The following OXT variants were observed in gnomAD, a reference collection of about 807,000 sequenced individuals.
The protein encoded by OXT is oxytocin/neurophysin I prepropeptide.
Under a neutral mutation model 11.2 loss-of-function variants are expected in OXT, and 9 were observed. The ratio of observed to expected loss-of-function variants is 0.80; its 90% confidence interval spans 0.49 to 1.40. The LOEUF is 1.40. Ranked by LOEUF, OXT falls within the 40% of genes most tolerant of loss-of-function variation. OXT has a pLI of 0.00. For synonymous variants in OXT, 76 were observed against 80.9 expected (o/e 0.94, Z 0.33); for missense variants, 175 against 178.7 (o/e 0.98, Z 0.12).
In OXT at chr20:3,072,197, C is replaced by G. The variant is rs544124796; in HGVS notation, c.241C>G (p.Leu81Val). 6.3e-7 allele frequency: 1 copy of G among 1,596,422 alleles called. No individual in the cohort carries two copies. Among genetic ancestry groups the G allele is most frequent in the South Asian group, 1.1e-5 (1 of 90,316 alleles). Residue 81 changes from leucine to valine, a missense_variant, in exon 2 of 3, where the codon CTG (leucine) becomes GTG (valine). Leu to Val is a conservative substitution (Grantham distance 32). Coordinates refer to ENST00000217386, the MANE Select transcript of OXT (RefSeq NM_000915.4). ...GCTGCGCTGCCAGGAGGAGAACTAC[C>G]TGCCGTCGCCCTGCCAGTCCGGCCA... ...EALRCQEENY[L>V]PSPCQSGQKA...
rs929683905 is a variant in OXT at position 3,071,641 on chromosome 20, C to G, written c.-15C>G. On this transcript the variant is annotated 5_prime_UTR_variant, in exon 1 of 3. Transcript: ENST00000217386. The surrounding 1 kb of genome is among the most constrained non-coding windows in gnomAD (Gnocchi z 4.8). Reference sequence around the variant, plus strand: ...CGCCACCAGTCACGGACCCTGGACCCAGCGCACCCGCACCATGGCCGGCCC... The same window carrying G: ...CGCCACCAGTCACGGACCCTGGACCGAGCGCACCCGCACCATGGCCGGCCC... 1.9e-6 allele frequency: 3 copies of G among 1,602,520 alleles called. No homozygotes were observed. The Middle Eastern group carries it at 5.0e-4, about 265-fold the overall frequency.
At chr20:3,072,323 G>A (rs1181015239) in intron 2 of OXT, 40 bp from the exon 3 acceptor site, 3 of 1,602,772 alleles carry the variant, frequency 1.9e-6, no homozygotes, top group Non-Finnish European at 2.5e-6. Context: ...GGCGGGCGGG[G>A]GTGCGGCCGG....
intron 2 of OXT, 32 bp downstream of exon 2, chr20:3,072,310 G>T (rs2066080169): frequency 6.2e-7 from 1 of 1,600,598 alleles, no homozygotes; most frequent in African/African-American, 1.3e-5. Flanking sequence ...GGGGCCAGGG[G>T]GAGGCGGGCG....
Position 3,071,823 on chromosome 20 carries a change from C to A in OXT, c.120+48C>A. 1.3e-6 allele frequency: 2 copies of A among 1,528,818 alleles called. No homozygotes were observed. Among genetic ancestry groups the A allele is most frequent in the Non-Finnish European group, 1.7e-6 (2 of 1,144,128 alleles). 94.7% of individuals were successfully genotyped at this position (1,528,818 alleles called of 1,614,324 possible). A position where few individuals can be genotyped will look rare whatever the true frequency, so the allele number is the denominator to read the frequency against. ...GCGGCGCTCCGGGGAGGGAGGGACCCGCAGCCACAGGGGCGCGCCCCGCTC... is the reference window on the plus strand; with the variant it reads ...GCGGCGCTCCGGGGAGGGAGGGACCAGCAGCCACAGGGGCGCGCCCCGCTC... On this transcript the variant is annotated intron_variant, in intron 1 of 2. Coordinates refer to ENST00000217386, the MANE Select transcript of OXT (RefSeq NM_000915.4). The surrounding 1 kb of genome is among the most constrained non-coding windows in gnomAD (Gnocchi z 4.8).
chr20:3,072,238 C>A lies in OXT; in HGVS notation c.282C>A (p.Ser94Arg). The A allele has an allele frequency of 6.3e-7, 1 of 1,594,648 alleles. No individual in the cohort carries two copies. The highest frequency in any genetic ancestry group is 1.3e-5 in the African/African-American group (1 of 74,414). ...PCQSGQKACG[S>R]GGRCAVLGLC... is the part of the protein sequence containing the mutation. ...AGTCCGGCCAGAAGGCGTGCGGGAG[C>A]GGGGGCCGCTGCGCGGTCTTGGGCC... Residue 94 changes from serine to arginine, a missense_variant, in exon 2 of 3, where the codon AGC (serine) becomes AGA (arginine). Physicochemically the swap from Ser to Arg is moderately radical, Grantham distance 110. Coordinates refer to ENST00000217386, the MANE Select transcript of OXT (RefSeq NM_000915.4).
Position 3,072,225 on chromosome 20 carries a change from A to G in OXT, c.269A>G (p.Lys90Arg), listed in dbSNP as rs746654297. 2.5e-6 allele frequency: 4 copies of G among 1,596,226 alleles called. No individual in the cohort carries two copies. In the African/African-American group the frequency reaches 5.4e-5, roughly 21 times the overall value. The change falls in exon 2 of 3, where the codon AAG becomes AGG. Residue 90 changes from lysine to arginine, a missense_variant. By Grantham distance (26) the Lys-to-Arg change is conservative (BLOSUM62 2). Transcript: ENST00000217386. ...CCGTCGCCCTGCCAGTCCGGCCAGAAGGCGTGCGGGAGCGGGGGCCGCTGC... is the reference window on the plus strand; with the variant it reads ...CCGTCGCCCTGCCAGTCCGGCCAGAGGGCGTGCGGGAGCGGGGGCCGCTGC... ...YLPSPCQSGQ[K>R]ACGSGGRCAV...
rs936894927 is a variant in OXT, at chr20:3,071,994, C to A, written c.121-83C>A. ...CCCGGACCCCAGCATCCTTGCCCGG[C>A]GCACCCCGGCCGGCCTCGCAGGGTC... On this transcript the variant is annotated intron_variant, in intron 1 of 2. Coordinates refer to ENST00000217386, the MANE Select transcript of OXT (RefSeq NM_000915.4). The surrounding 1 kb of genome is among the most constrained non-coding windows in gnomAD (Gnocchi z 4.8). 3 of 1,381,390 alleles carry A rather than the reference C, an allele frequency of 2.2e-6. No homozygotes were observed. The highest frequency in any genetic ancestry group is 1.6e-5 in the South Asian group (1 of 62,622). 85.6% of individuals were successfully genotyped at this position (1,381,390 alleles called of 1,614,324 possible). A position where few individuals can be genotyped will look rare whatever the true frequency, so the allele number is the denominator to read the frequency against.
rs569688319 is a variant in OXT, at chr20:3,072,501, C to T, written c.*83C>T. On this transcript the variant is annotated 3_prime_UTR_variant, in exon 3 of 3. Transcript: ENST00000217386. ...CAGAAATGGTGAAAATAAAATAAAGCAGGTTTTTCTCCTCTACCTTGACTC... is the reference window on the plus strand; with the variant it reads ...CAGAAATGGTGAAAATAAAATAAAGTAGGTTTTTCTCCTCTACCTTGACTC... The T allele has an allele frequency of 1.0e-5, 15 of 1,467,024 alleles. No individual in the cohort carries two copies. Among genetic ancestry groups the T allele is most frequent in the South Asian group, 3.4e-5 (3 of 87,498 alleles). The allele number at this position is 1,467,024 out of a possible 1,614,324, so 90.9% of individuals were successfully genotyped here.
In OXT at chr20:3,071,771, G is replaced by T; in HGVS notation, c.116G>T (p.Arg39Leu). The T allele has an allele frequency of 1.9e-6, 3 of 1,571,822 alleles. No individual in the cohort carries two copies. Among genetic ancestry groups the T allele is most frequent in the Non-Finnish European group, 1.7e-6 (2 of 1,164,460 alleles). ...GKRAAPDLDV[R>L]KCLPCGPGGK... Reference sequence around the variant, plus strand: ...AGGGCCGCGCCGGACCTCGACGTGCGCAAGGTGAGTCCCCAGCCCTGGTCC... The same window carrying T: ...AGGGCCGCGCCGGACCTCGACGTGCTCAAGGTGAGTCCCCAGCCCTGGTCC... Residue 39 changes from arginine (R) to leucine (L), a missense_variant, in exon 1 of 3, where the codon CGC becomes CTC. Coordinates refer to ENST00000217386, the MANE Select transcript of OXT (RefSeq NM_000915.4). The surrounding 1 kb of genome is among the most constrained non-coding windows in gnomAD (Gnocchi z 4.8).
Position 3,072,447 on chromosome 20 carries a change from C to A in OXT, c.*29C>A. 1.2e-6 allele frequency: 2 copies of A among 1,609,894 alleles called. No individual in the cohort carries two copies. The highest frequency in any genetic ancestry group is 1.7e-4 in the Middle Eastern group (1 of 6,058). ...TTGATGGCTCCGAACACCCTCGAAG[C>A]GCGCCACTCGCTTCCCCCATAGCCA... On this transcript the variant is annotated 3_prime_UTR_variant, in exon 3 of 3. Coordinates refer to ENST00000217386, the MANE Select transcript of OXT (RefSeq NM_000915.4).
At chr20:3,072,299 C>T (rs781109269) in intron 2 of OXT, 21 bp downstream of exon 2, 31 of 1,549,372 alleles carry the variant, frequency 2.0e-5, no homozygotes, top group Admixed American at 1.5e-4. Context: ...CAAGGCGCTC[C>T]GGGGCCAGGG....
In OXT at chr20:3,071,729, G is replaced by A; in HGVS notation, c.74G>A (p.Cys25Tyr). ...ACCTCCGCCTGCTACATCCAGAACT[G>A]CCCCCTGGGAGGCAAGAGGGCCGCG... ...ALTSACYIQN[C>Y]PLGGKRAAPD... The change falls in exon 1 of 3, where the codon TGC (cysteine) becomes TAC (tyrosine). Residue 25 changes from cysteine to tyrosine, a missense_variant. Cys to Tyr is a radical substitution (Grantham distance 194, BLOSUM62 -2). Transcript: ENST00000217386. The surrounding 1 kb of genome is among the most constrained non-coding windows in gnomAD (Gnocchi z 4.8). The A allele has an allele frequency of 6.3e-7, 1 of 1,588,770 alleles. No individual in the cohort carries two copies. The highest frequency in any genetic ancestry group is 8.5e-7 in the Non-Finnish European group (1 of 1,171,870).
Position 3,071,800 on chromosome 20 carries a change from G to C in OXT, c.120+25G>C. 1.9e-6 allele frequency: 3 copies of C among 1,546,450 alleles called. No homozygotes were observed. Among genetic ancestry groups the C allele is most frequent in the African/African-American group, 1.4e-5 (1 of 73,366 alleles). ...GGTGAGTCCCCAGCCCTGGTCCCGC[G>C]GCGCTCCGGGGAGGGAGGGACCCGC... is the stretch of plus-strand genomic sequence containing the variant. On this transcript the variant is annotated intron_variant, in intron 1 of 2. Coordinates refer to ENST00000217386, the MANE Select transcript of OXT (RefSeq NM_000915.4). This position sits in a 1 kb window ranked among gnomAD's most constrained non-coding sequence, Gnocchi z 4.8.
Position 3,071,890 on chromosome 20 carries a change from G to A in OXT, c.120+115G>A. The A allele has an allele frequency of 7.1e-7, 1 of 1,400,794 alleles. No individual in the cohort carries two copies. Among genetic ancestry groups the A allele is most frequent in the Non-Finnish European group, 9.3e-7 (1 of 1,073,906 alleles). 86.8% of individuals were successfully genotyped at this position (1,400,794 alleles called of 1,614,324 possible). Reference sequence around the variant, plus strand: ...CTCCAGGAGCTGAGCGGATTTTGACGCCCCGCCCTTGACCGCGGTCGAGGC... The same window carrying A: ...CTCCAGGAGCTGAGCGGATTTTGACACCCCGCCCTTGACCGCGGTCGAGGC... On this transcript the variant is annotated intron_variant, in intron 1 of 2. Coordinates refer to ENST00000217386, the MANE Select transcript of OXT (RefSeq NM_000915.4). This position sits in a 1 kb window ranked among gnomAD's most constrained non-coding sequence, Gnocchi z 4.8.
At position 3,072,409 on chromosome 20, in the gene OXT, C is replaced by T. The variant is rs766175141; in HGVS notation, c.369C>T (p.Ser123=). 6.2e-7 allele frequency: 1 copy of T among 1,612,964 alleles called. No homozygotes were observed. The highest frequency in any genetic ancestry group is 1.3e-5 in the African/African-American group (1 of 75,056). ...CCTGCGACGCGGAAGCCACCTTCTC[C>T]CAGCGCTGAAACTTGATGGCTCCGA... is the stretch of plus-strand genomic sequence containing the variant. ...DPACDAEATF[S]QR is the part of the protein sequence containing the mutation. The change falls in exon 3 of 3, where the codon TCC becomes TCT. Residue 123 remains serine (S), a synonymous_variant. Coordinates refer to ENST00000217386, the MANE Select transcript of OXT (RefSeq NM_000915.4).
Position 3,072,065 on chromosome 20 carries a change from C to A in OXT, c.121-12C>A. 2 of 1,510,440 alleles carry A rather than the reference C, an allele frequency of 1.3e-6. No individual in the cohort carries two copies. Among genetic ancestry groups the A allele is most frequent in the Non-Finnish European group, 1.8e-6 (2 of 1,137,682 alleles). The allele number at this position is 1,510,440 out of a possible 1,614,324, so 93.6% of individuals were successfully genotyped here. ...CCGCCCCGGCTCCCGCTCACCCCGC[C>A]CGTCCCCGCAGTGCCTCCCCTGCGG... On this transcript the variant is annotated splice_polypyrimidine_tract_variant and intron_variant, in intron 1 of 2. Coordinates refer to ENST00000217386, the MANE Select transcript of OXT (RefSeq NM_000915.4).
At position 3,072,511 on chromosome 20, in the gene OXT, T is replaced by C. The variant is rs2066081714; in HGVS notation, c.*93T>C. 8.0e-6 allele frequency: 11 copies of C among 1,367,168 alleles called. No individual in the cohort carries two copies. In the East Asian group the frequency reaches 2.3e-4, roughly 29 times the overall value. The allele number at this position is 1,367,168 out of a possible 1,614,324, so 84.7% of individuals were successfully genotyped here. ...GAAAATAAAATAAAGCAGGTTTTTC[T>C]CCTCTACCTTGACTCGTGTCTAAGT... On this transcript the variant is annotated 3_prime_UTR_variant, in exon 3 of 3. Transcript: ENST00000217386.
rs780493512 is a variant in OXT at position 3,071,826 on chromosome 20, A to G, written c.120+51A>G. The G allele has an allele frequency of 8.5e-6, 13 of 1,525,704 alleles. No individual in the cohort carries two copies. The East Asian group carries it at 3.2e-4, about 38-fold the overall frequency. The allele number at this position is 1,525,704 out of a possible 1,614,324, so 94.5% of individuals were successfully genotyped here. A position where few individuals can be genotyped will look rare whatever the true frequency, so the allele number is the denominator to read the frequency against. ...GCGCTCCGGGGAGGGAGGGACCCGC[A>G]GCCACAGGGGCGCGCCCCGCTCCGG... On this transcript the variant is annotated intron_variant, in intron 1 of 2. Coordinates refer to ENST00000217386, the MANE Select transcript of OXT (RefSeq NM_000915.4). The surrounding 1 kb of genome is among the most constrained non-coding windows in gnomAD (Gnocchi z 4.8).
In OXT at chr20:3,071,916, C is replaced by A; in HGVS notation, c.120+141C>A. The A allele has an allele frequency of 7.4e-7, 1 of 1,346,722 alleles. No individual in the cohort carries two copies. The highest frequency in any genetic ancestry group is 9.7e-7 in the Non-Finnish European group (1 of 1,031,382). 83.4% of individuals were successfully genotyped at this position (1,346,722 alleles called of 1,614,324 possible). ...CCCCGCCCTTGACCGCGGTCGAGGC[C>A]CCCACGGCGCCCCAGCGCGTCTCAG... On this transcript the variant is annotated intron_variant, in intron 1 of 2. Coordinates refer to ENST00000217386, the MANE Select transcript of OXT (RefSeq NM_000915.4). The surrounding 1 kb of genome is among the most constrained non-coding windows in gnomAD (Gnocchi z 4.8).
Sources: allele counts gnomAD v4.1 joint callset, GRCh38; gene constraint gnomAD v4.1.1; non-coding constraint Gnocchi (gnomAD v3.1); transcripts MANE v1.5; gene names NCBI Gene and HGNC (gene_info 2026-07-23, HGNC 2026-07-21).